RIF1: variants seen among roughly 807,000 people sequenced by gnomAD.
RIF1 encodes replication timing regulatory factor 1, also known as telomere-associated protein RIF1.
Under a neutral mutation model 247.1 loss-of-function variants are expected in RIF1, and 45 were observed. That is an observed-to-expected ratio of 0.18 (90% confidence interval 0.14 to 0.23). RIF1 has a LOEUF of 0.23. RIF1 is among the 10% of genes least tolerant of loss of function. The pLI is 1.00. For synonymous variants in RIF1, 1,087 were observed against 978.8 expected, an observed-to-expected ratio of 1.11 and a Z score of -2.06; for missense variants, 2,967 against 2,862.5, an observed-to-expected ratio of 1.04 and a Z score of -0.83.
At chr2:151,483,876 T>TAACA (rs1384439353), downstream of RIF1, among the ~76,000 whole-genome samples, 2 of 152,180 alleles carry the variant, frequency 1.3e-5, no homozygotes, top group Non-Finnish European at 2.9e-5. Flanking sequence ...TATGAGAACC[T>TAACA]AACACCTGAT....
At chr2:151,533,691 TAC>T in the RIF1 span, 1 of 595,026 alleles carries the variant, frequency 1.7e-6, no homozygotes, top group Non-Finnish European at 3.0e-6. Flanking sequence ...AGACATCAAA[TAC>T]ATTATAATGT....
chr2:151,483,511 T>C (rs1006029054), downstream of RIF1, among the ~76,000 whole-genome samples: 1 of 152,144 alleles, frequency 6.6e-6, no homozygotes, highest in Non-Finnish European at 1.5e-5. Context: ...TTGAGGCTAG[T>C]TGGTGGATGT....
intron 23 of RIF1, among the ~76,000 whole-genome samples, chr2:151,457,018 G>A (rs933408618): frequency 1.3e-5 from 2 of 151,934 alleles, no homozygotes; most frequent in Non-Finnish European, 2.9e-5. Flanking sequence ...ACAGGTGTGA[G>A]CCAACACGCT....
intron 7 of RIF1, among the ~76,000 whole-genome samples, chr2:151,421,492 G>T (rs1688156711): frequency 6.6e-6 from 1 of 152,106 alleles, no homozygotes; most frequent in South Asian, 2.1e-4. Flanking sequence ...GGAAAAGAGG[G>T]CCCAATCACA....
intron 17 of RIF1, 75 bp downstream of exon 17, chr2:151,443,404 C>T: frequency 2.3e-6 from 3 of 1,304,872 alleles, no homozygotes; most frequent in East Asian, 2.4e-5. Context: ...TGTACTATTT[C>T]ATAAGTTTAA....
chr2:151,503,805 T>A (rs2066664287), intron 12 of RIF1, among the ~76,000 whole-genome samples: 1 of 152,184 alleles, frequency 6.6e-6, no homozygotes, highest in Non-Finnish European at 1.5e-5. Flanking sequence ...AATAGATTGC[T>A]TGGTTTAAAA....
At chr2:151,426,041 T>C (rs1689013745) in intron 8 of RIF1, among the ~76,000 whole-genome samples, 1 of 151,842 alleles carries the variant, frequency 6.6e-6, no homozygotes, top group Non-Finnish European at 1.5e-5. Context: ...AGCTCAGTAT[T>C]CTATTCTTGT....
chr2:151,435,542 C>A lies in RIF1; in HGVS notation c.1157C>A (p.Thr386Lys). Residue 386 changes from threonine (T) to lysine (K), a missense_variant, in exon 11 of 36, where the codon ACA becomes AAA. Physicochemically the swap from Thr to Lys is moderately conservative, Grantham distance 78. This residue lies in a region of RIF1 where 369 missense variants were observed against 322.0 expected (regional missense o/e 1.15). Transcript: ENST00000444746. ...SPQGNSCHVATSPGLNPMTPV... is the reference protein window; with the variant it reads ...SPQGNSCHVAKSPGLNPMTPV... ...CAGGGCAATTCGTGTCATGTAGCTA[C>A]ATCTCCAGGTTTAAATCCTATGACT... 1 of 1,609,448 alleles carries A rather than the reference C, an allele frequency of 6.2e-7. No homozygotes were observed. Among genetic ancestry groups the A allele is most frequent in the Non-Finnish European group, 8.5e-7 (1 of 1,175,902 alleles).
At chr2:151,483,323 G>A (rs563035646), downstream of RIF1, 1 of 152,148 alleles carries the variant, frequency 6.6e-6, no homozygotes, top group African/African-American at 2.4e-5. Context: ...GATATTGATT[G>A]CCAGTTTTTA....
intron 33 of RIF1, among the ~76,000 whole-genome samples, chr2:151,469,352 T>G (rs1697442794): frequency 6.6e-6 from 1 of 152,222 alleles, no homozygotes; most frequent in East Asian, 1.9e-4. Context: ...AGATGAAGTA[T>G]TCTTAAACTT....
intron 27 of RIF1, 40 bp downstream of exon 27, chr2:151,461,329 C>G: frequency 6.3e-7 from 1 of 1,584,094 alleles, no homozygotes; most frequent in South Asian, 1.1e-5. Context: ...ATTTGGTATT[C>G]AGGCTTAGAT....
chr2:151,485,625 G>A, downstream of RIF1: 1 of 749,096 alleles, frequency 1.3e-6, no homozygotes, highest in Non-Finnish European at 2.0e-6. Flanking sequence ...GAGAAAGGAT[G>A]GTACTACCAT....
At chr2:151,441,018 G>A (rs565744241) in intron 15 of RIF1, among the ~76,000 whole-genome samples, 1 of 152,248 alleles carries the variant, frequency 6.6e-6, no homozygotes, top group East Asian at 1.9e-4. Context: ...TGGGCATGGT[G>A]GCTCACATCT....
chr2:151,440,056 G>A lies in RIF1; in HGVS notation c.1576G>A (p.Val526Ile). Residue 526 changes from valine (V) to isoleucine (I), a missense_variant, in exon 15 of 36, where the codon GTT becomes ATT. Physicochemically the swap from Val to Ile is conservative, Grantham distance 29. Coordinates refer to ENST00000444746, the MANE Select transcript of RIF1 (RefSeq NM_018151.5). ...GNKKEKPGSEVLTLLLKSLES... is the reference protein window; with the variant it reads ...GNKKEKPGSEILTLLLKSLES... ...CAAAAAAGAGAAACCAGGTTCTGAA[G>A]TTTTGACTCTCTTATTAAAGTCTTT... is the stretch of plus-strand genomic sequence containing the variant. The A allele has an allele frequency of 6.3e-7, 1 of 1,586,744 alleles. No homozygotes were observed. The highest frequency in any genetic ancestry group is 1.7e-5 in the Admixed American group (1 of 57,448).
At position 151,476,038 on chromosome 2, in the gene RIF1, A is replaced by G. The variant is rs2048912670; in HGVS notation, c.*967A>G. The G allele has an allele frequency of 1.3e-5, 2 of 152,372 alleles. No homozygotes were observed. Among genetic ancestry groups the G allele is most frequent in the Admixed American group, 1.3e-4 (2 of 15,272 alleles). 9.4% of individuals were successfully genotyped at this position (152,372 alleles called of 1,614,324 possible). On this transcript the variant is annotated 3_prime_UTR_variant, in exon 36 of 36. Coordinates refer to ENST00000444746, the MANE Select transcript of RIF1 (RefSeq NM_018151.5). ...AAACATGAGTTTATTTTCTAAAAGT[A>G]TCCAGAATAAGTAAAATTATAGAAA...
At chr2:151,495,190 ACAT>A (rs1352587535) in intron 9 of RIF1, 1 of 152,228 alleles carries the variant, frequency 6.6e-6, no homozygotes, top group African/African-American at 2.4e-5. Context: ...ACATAGTAAC[ACAT>A]CATGATAAAT....
chr2:151,441,955 A>G lies in RIF1; in HGVS notation c.1698A>G (p.Ser566=). 1.3e-6 allele frequency: 2 copies of G among 1,566,004 alleles called. No individual in the cohort carries two copies. The highest frequency in any genetic ancestry group is 1.2e-5 in the South Asian group (1 of 85,416). ...GACTTCCTCAGAAAGTATTAGGTTC[A>G]CCAGCATATCAGGTTGCTAATATGG... ...IKGLPQKVLG[S]PAYQVANMDI... is the part of the protein sequence containing the mutation. The change falls in exon 16 of 36, where the codon TCA becomes TCG. Residue 566 remains serine (S), a synonymous_variant. Transcript: ENST00000444746.
At chr2:151,526,565 G>A in the RIF1 span, among the ~76,000 whole-genome samples, 70 of 152,178 alleles carry the variant, frequency 4.6e-4, no homozygotes, top group African/African-American at 1.6e-3. Flanking sequence ...TTATTATTCC[G>A]TCTTTACAGA....
intron 1 of RIF1, 123 bp downstream of exon 1, chr2:151,410,156 C>T (rs1181963923): frequency 9.0e-6 from 6 of 665,154 alleles, no homozygotes; most frequent in Admixed American, 8.4e-5. Flanking sequence ...CGATCTCCTC[C>T]CTCTGTTGAA....
Sources: allele counts gnomAD v4.1 joint callset (sites outside exome capture counted in the v4.1 genomes callset), GRCh38; gene constraint gnomAD v4.1.1; regional missense constraint gnomAD v4.1.1; transcripts MANE v1.5; gene names NCBI Gene and HGNC (gene_info 2026-07-23, HGNC 2026-07-21).